AGBL4: variants seen among roughly 807,000 people sequenced by gnomAD.
AGBL4 encodes AGBL carboxypeptidase 4.
AGBL4 carries 58 observed loss-of-function variants against 66.4 expected under a neutral mutation model. That is an observed-to-expected ratio of 0.87 (90% CI 0.71 to 1.09). The LOEUF is 1.09. Among genes scored for constraint, AGBL4 ranks in the 50% least tolerant of loss-of-function variants. The probability of loss-of-function intolerance (pLI) is 0.00; values close to 1 mark genes in which losing one functional copy is unlikely to be tolerated. For missense variants in AGBL4, 579 were observed against 631.0 expected (o/e 0.92, Z 0.88); for synonymous variants, 234 against 222.9 (o/e 1.05, Z -0.44).
Position 49,632,059 on chromosome 1 carries a change from G to T in AGBL4, c.282+65254C>A, listed in dbSNP as rs1419179130. Among the ~76,000 whole-genome samples, 4 of 152,164 alleles carry T rather than the reference G, an allele frequency of 2.6e-5. No individual in the cohort carries two copies. The East Asian group carries it at 5.8e-4, about 22-fold the overall frequency. ...TTTTTATGGCTGCCACATATGTGCA[G>T]CACTTAGAACTCTGAGATGTTCTGA... On this transcript the variant is annotated intron_variant, in intron 3 of 13. Coordinates refer to ENST00000371839, the MANE Select transcript of AGBL4 (RefSeq NM_032785.4).
chr1:49,075,020 T>G (rs2147943661), intron 4 of AGBL4, among the ~76,000 whole-genome samples: 1 of 152,354 alleles, frequency 6.6e-6, no homozygotes, highest in Non-Finnish European at 1.5e-5. Flanking sequence ...AATTATTTGA[T>G]TTAAATGAAA....
chr1:49,706,629 T>C (rs1396970175), intron 2 of AGBL4, among the ~76,000 whole-genome samples: 4 of 152,162 alleles, frequency 2.6e-5, no homozygotes, highest in Admixed American at 1.3e-4. Flanking sequence ...GTTCTTTTCA[T>C]TGTGATGTTA....
intron 6 of AGBL4, among the ~76,000 whole-genome samples, chr1:48,707,083 C>T (rs778432177): frequency 2.6e-5 from 4 of 152,140 alleles, no homozygotes; most frequent in Non-Finnish European, 4.4e-5. Context: ...GGCTTGAGTC[C>T]GGGAGTTCGA....
At chr1:48,785,985 C>T (rs1207683480) in intron 6 of AGBL4, among the ~76,000 whole-genome samples, 1 of 151,802 alleles carries the variant, frequency 6.6e-6, no homozygotes, top group African/African-American at 2.4e-5. Context: ...CTTCACAAGT[C>T]CTCATAGGGC....
At chr1:48,688,432 C>T (rs1236245663) in intron 6 of AGBL4, among the ~76,000 whole-genome samples, 1 of 152,228 alleles carries the variant, frequency 6.6e-6, no homozygotes, top group Non-Finnish European at 1.5e-5. Context: ...CTTCAGAATC[C>T]TGAAGATGTC....
rs937960430 is a variant in AGBL4, at chr1:48,549,154, T to G, written c.1268-9416A>C. ...ACCATTAAAGGGGGAAGATTAATTG[T>G]GCAGAGGGATAGGCCAAGGAAAAGT... is the stretch of plus-strand genomic sequence containing the variant. On this transcript the variant is annotated intron_variant, in intron 11 of 13. Transcript: ENST00000371839. Among the ~76,000 whole-genome samples, 12 of 152,312 alleles carry G rather than the reference T, an allele frequency of 7.9e-5. No individual in the cohort carries two copies. In the Middle Eastern group the frequency reaches 0.01, roughly 130 times the overall value.
At chr1:48,655,205 T>G (rs1198344462) in intron 7 of AGBL4, among the ~76,000 whole-genome samples, 1 of 152,152 alleles carries the variant, frequency 6.6e-6, no homozygotes, top group African/African-American at 2.4e-5. Context: ...CTAGGGTGGG[T>G]GTGGGGCAAG....
intron 3 of AGBL4, among the ~76,000 whole-genome samples, chr1:49,331,071 C>G (rs1162786179): frequency 2.0e-5 from 3 of 152,198 alleles, no homozygotes; most frequent in East Asian, 1.9e-4. Context: ...TCAGGAGATT[C>G]CCTCGTGAAC....
At chr1:49,919,258 T>G (rs890528956) in intron 1 of AGBL4, among the ~76,000 whole-genome samples, 1 of 152,056 alleles carries the variant, frequency 6.6e-6, no homozygotes, top group African/African-American at 2.4e-5. Flanking sequence ...GAGAAAGAAA[T>G]AAAGGGGATT....
chr1:49,016,552 A>G (rs747875493), intron 5 of AGBL4, among the ~76,000 whole-genome samples: 1 of 152,084 alleles, frequency 6.6e-6, no homozygotes, highest in African/African-American at 2.4e-5. Flanking sequence ...CTGGGGCCAC[A>G]CTCATGTTAA....
At chr1:49,167,089 A>G (rs2148153271) in intron 4 of AGBL4, among the ~76,000 whole-genome samples, 1 of 152,274 alleles carries the variant, frequency 6.6e-6, no homozygotes, top group African/African-American at 2.4e-5. Flanking sequence ...TTTTCCTACA[A>G]AAAGCTTTGA....
At position 49,893,002 on chromosome 1, in the gene AGBL4, A is replaced by G. The variant is rs137976556; in HGVS notation, c.35-41484T>C. Among the ~76,000 whole-genome samples, 625 of 152,258 alleles carry G rather than the reference A, an allele frequency of 4.1e-3. 6 individuals carry two copies. The highest frequency in any genetic ancestry group is 0.014 in the African/African-American group (592 of 41,562). ...CAGTCTTAGAAATAGTATAAATAGA[A>G]GTCCAGCCAGGAGACACTAAATAAA... On this transcript the variant is annotated intron_variant, in intron 1 of 13. Transcript: ENST00000371839.
chr1:49,938,054 G>A (rs2148284413), intron 1 of AGBL4, among the ~76,000 whole-genome samples: 1 of 149,906 alleles, frequency 6.7e-6, no homozygotes, highest in Non-Finnish European at 1.5e-5. Flanking sequence ...AATGAATCCA[G>A]GAGCTGGTTT....
intron 1 of AGBL4, among the ~76,000 whole-genome samples, chr1:49,858,781 C>T (rs949316550): frequency 7.9e-5 from 12 of 152,174 alleles, no homozygotes; most frequent in African/African-American, 2.9e-4. Flanking sequence ...CTTTGGGAGG[C>T]TGAGGCGGCA....
chr1:48,960,393 T>C (rs1290032852), intron 5 of AGBL4, among the ~76,000 whole-genome samples: 1 of 152,144 alleles, frequency 6.6e-6, no homozygotes, highest in Admixed American at 6.5e-5. Flanking sequence ...GAGTTAACAA[T>C]TGGATGTATG....
At chr1:49,836,549 A>G (rs1645854610) in intron 2 of AGBL4, among the ~76,000 whole-genome samples, 1 of 152,074 alleles carries the variant, frequency 6.6e-6, no homozygotes, top group South Asian at 2.1e-4. Flanking sequence ...GGAGTTTATT[A>G]TTACCCACCT....
At chr1:49,918,850 C>A (rs1651876303) in intron 1 of AGBL4, among the ~76,000 whole-genome samples, 1 of 152,134 alleles carries the variant, frequency 6.6e-6, no homozygotes, top group South Asian at 2.1e-4. Flanking sequence ...TACTGGCAAA[C>A]CAAATCCAGC....
intron 5 of AGBL4, among the ~76,000 whole-genome samples, chr1:48,879,458 T>G (rs993552480): frequency 6.7e-6 from 1 of 148,950 alleles, no homozygotes; most frequent in Non-Finnish European, 1.5e-5. Context: ...TAAAATTCCC[T>G]TACACTTTGT....
intron 1 of AGBL4, among the ~76,000 whole-genome samples, chr1:49,938,237 A>G (rs1654320228): frequency 1.3e-5 from 2 of 152,206 alleles, no homozygotes; most frequent in African/African-American, 4.8e-5. Context: ...AATAAACCAG[A>G]AAATCTAGAA....
Sources: allele counts gnomAD v4.1 joint callset (sites outside exome capture counted in the v4.1 genomes callset), GRCh38; gene constraint gnomAD v4.1.1; transcripts MANE v1.5; gene names NCBI Gene and HGNC (gene_info 2026-07-23, HGNC 2026-07-21).